Variants in MEF2A observed in about 807,000 individuals in gnomAD.
MEF2A encodes the protein myocyte-specific enhancer factor 2A.
MEF2A carries 28 observed loss-of-function variants against 55.8 expected under a neutral mutation model. The observed-to-expected ratio is 0.50, with a 90% CI of 0.37 to 0.69. The LOEUF is 0.69. Among genes scored for constraint, MEF2A ranks in the 30% least tolerant of loss-of-function variants. MEF2A has a pLI of 0.00. For missense variants in MEF2A, 528 were observed against 626.2 expected, an observed-to-expected ratio of 0.84 and a Z score of 1.67; for synonymous variants, 239 against 227.1, an observed-to-expected ratio of 1.05 and a Z score of -0.47.
chr15:99,571,751 C>A (rs146685597), intron 1 of MEF2A, among the ~76,000 whole-genome samples: 2 of 152,226 alleles, frequency 1.3e-5, no homozygotes, highest in African/African-American at 2.4e-5. Flanking sequence ...TACCCCTAAA[C>A]CCTGGTGTCT....
intron 7 of MEF2A, among the ~76,000 whole-genome samples, chr15:99,689,899 T>A (rs569847903): frequency 3.3e-5 from 5 of 152,354 alleles, no homozygotes; most frequent in African/African-American, 1.2e-4. Flanking sequence ...TTGCTTATTT[T>A]TAAGATATCC....
intron 7 of MEF2A, among the ~76,000 whole-genome samples, chr15:99,683,692 C>G (rs1424007826): frequency 6.8e-6 from 1 of 146,836 alleles, no homozygotes; most frequent in East Asian, 2.0e-4. Context: ...TTGCGAGCCA[C>G]CATGCCTGGG....
At chr15:99,594,754 C>T (rs1296946809) in intron 1 of MEF2A, among the ~76,000 whole-genome samples, 2 of 152,054 alleles carry the variant, frequency 1.3e-5, no homozygotes, top group African/African-American at 4.8e-5. Flanking sequence ...TTATTTCTAT[C>T]TGTGTGATTT....
intron 9 of MEF2A, among the ~76,000 whole-genome samples, chr15:99,704,527 C>G (rs1036527781): frequency 1.3e-5 from 2 of 152,298 alleles, no homozygotes; most frequent in African/African-American, 4.8e-5. Flanking sequence ...GTTGTGAATG[C>G]GTCCATGAAT....
At chr15:99,646,551 T>A (rs2045990862) in intron 4 of MEF2A, among the ~76,000 whole-genome samples, 1 of 152,102 alleles carries the variant, frequency 6.6e-6, no homozygotes, top group Admixed American at 6.5e-5. Context: ...ATATTTTGGC[T>A]TAGTTTGTAA....
At chr15:99,620,487 G>A (rs937620038) in intron 2 of MEF2A, among the ~76,000 whole-genome samples, 2 of 152,174 alleles carry the variant, frequency 1.3e-5, no homozygotes, top group African/African-American at 4.8e-5. Flanking sequence ...ATGGCCTCCA[G>A]CTGCCTCCGT....
intron 4 of MEF2A, 174 bp downstream of exon 4, chr15:99,645,938 A>G (rs2045894558): frequency 4.0e-6 from 2 of 495,032 alleles, no homozygotes; most frequent in South Asian, 3.9e-5. Context: ...CTTGTGTTAT[A>G]AACATACTCT....
intron 4 of MEF2A, among the ~76,000 whole-genome samples, chr15:99,661,428 T>TTA (rs971103454): frequency 2.6e-5 from 4 of 151,104 alleles, no homozygotes; most frequent in African/African-American, 9.7e-5. Flanking sequence ...TTTTTTTTTT[T>TTA]AATGCTACAT....
intron 1 of MEF2A, among the ~76,000 whole-genome samples, chr15:99,576,742 G>A (rs1457082098): frequency 4.0e-5 from 6 of 151,502 alleles, no homozygotes; most frequent in African/African-American, 1.5e-4. Context: ...CCAGGTTCAC[G>A]CCATTCTCCT....
At chr15:99,692,457 A>G (rs891637390) in intron 8 of MEF2A, among the ~76,000 whole-genome samples, 1 of 151,680 alleles carries the variant, frequency 6.6e-6, no homozygotes, top group Non-Finnish European at 1.5e-5. Flanking sequence ...ACGGCAACCA[A>G]CTGGCCCAGA....
chr15:99,591,057 C>G (rs954057204), intron 1 of MEF2A, among the ~76,000 whole-genome samples: 2 of 152,062 alleles, frequency 1.3e-5, no homozygotes, highest in African/African-American at 4.8e-5. Context: ...TGCAGGTTCC[C>G]TCTTGTATTG....
Position 99,712,869 on chromosome 15 carries a change from GTACA to G in MEF2A, c.*105_*108del. On this transcript the variant is annotated 3_prime_UTR_variant, in exon 12 of 12. Transcript: ENST00000557942. This position sits in a 1 kb window ranked among gnomAD's most constrained non-coding sequence, Gnocchi z 4.1. ...GGACATGAGTTAAATATATTTATATGTACATACATATATATATCCCTTTACATAT... is the reference window on the plus strand; with the variant it reads ...GGACATGAGTTAAATATATTTATATGTACATATATATATCCCTTTACATAT... The G allele has an allele frequency of 1.6e-6, 2 of 1,253,840 alleles. No individual in the cohort carries two copies. Among genetic ancestry groups the G allele is most frequent in the Non-Finnish European group, 1.1e-6 (1 of 908,630 alleles). 77.7% of individuals were successfully genotyped at this position (1,253,840 alleles called of 1,614,324 possible). A position where few individuals can be genotyped will look rare whatever the true frequency, so the allele number is the denominator to read the frequency against.
At chr15:99,704,578 C>A (rs1032797659) in intron 9 of MEF2A, among the ~76,000 whole-genome samples, 4 of 152,204 alleles carry the variant, frequency 2.6e-5, no homozygotes, top group Non-Finnish European at 5.9e-5. Context: ...CTGAAAATCA[C>A]TCACTCTTGT....
At chr15:99,687,359 G>T (rs1002920943) in intron 7 of MEF2A, among the ~76,000 whole-genome samples, 1 of 152,124 alleles carries the variant, frequency 6.6e-6, no homozygotes, top group Non-Finnish European at 1.5e-5. Flanking sequence ...TAATACAGGG[G>T]TGTGTGGGTG....
intron 3 of MEF2A, among the ~76,000 whole-genome samples, chr15:99,637,563 G>A (rs1596666149): frequency 6.6e-6 from 1 of 151,966 alleles, no homozygotes; most frequent in African/African-American, 2.4e-5. Flanking sequence ...CAAAGTGGCT[G>A]CACCATTTTG....
chr15:99,674,380 TC>T lies in MEF2A; in HGVS notation c.391-12del, dbSNP rs1255584274. 1 of 1,580,062 alleles carries T rather than the reference TC, an allele frequency of 6.3e-7. No homozygotes were observed. The highest frequency in any genetic ancestry group is 8.6e-7 in the Non-Finnish European group (1 of 1,160,790). ...AAACCAACAGTTTTTTCCTTCTTTT[TC>T]TTTATTTACAGCCTGGTCTGCCACC... On this transcript the variant is annotated splice_polypyrimidine_tract_variant and intron_variant, in intron 5 of 11. Coordinates refer to ENST00000557942, the MANE Select transcript of MEF2A (RefSeq NM_001319206.4).
At chr15:99,595,294 T>C (rs1315389490) in intron 1 of MEF2A, among the ~76,000 whole-genome samples, 2 of 152,228 alleles carry the variant, frequency 1.3e-5, no homozygotes, top group East Asian at 3.8e-4. Flanking sequence ...GTTGTTGTTA[T>C]TATGTTAGGC....
intron 10 of MEF2A, among the ~76,000 whole-genome samples, chr15:99,710,200 G>A (rs930777738): frequency 7.9e-5 from 12 of 152,158 alleles, no homozygotes; most frequent in African/African-American, 2.9e-4. Context: ...CCACATGTAT[G>A]TTGTTTTGTT....
chr15:99,674,186 A>C (rs1293297843), intron 5 of MEF2A, among the ~76,000 whole-genome samples: 2 of 152,186 alleles, frequency 1.3e-5, no homozygotes, highest in African/African-American at 2.4e-5. Flanking sequence ...TAATGTATAA[A>C]GTTGAAATTG....
Sources: gnomAD v4.1 joint callset for allele counts (sites outside exome capture counted in the v4.1 genomes callset) on GRCh38, gnomAD v4.1.1 for gene constraint, Gnocchi (gnomAD v3.1) non-coding constraint, MANE v1.5 for transcripts, NCBI Gene and HGNC (gene_info 2026-07-23, HGNC 2026-07-21) for gene names.